SYNE2: variants seen among roughly 807,000 people sequenced by gnomAD.
SYNE2 encodes the protein spectrin repeat containing nuclear envelope protein 2, also known as nesprin-2.
SYNE2 carries 431 observed loss-of-function variants against 856.3 expected under a neutral mutation model. That is an observed-to-expected ratio of 0.50 (90% confidence interval 0.47 to 0.55). The LOEUF (loss-of-function observed/expected upper bound fraction) is 0.55. Among genes scored for constraint, SYNE2 ranks in the 20% least tolerant of loss-of-function variants. The pLI is 0.00. For missense variants in SYNE2, 8,129 were observed against 8,023.2 expected, an observed-to-expected ratio of 1.01 and a Z score of -0.50; for synonymous variants, 2,923 against 2,872.3, an observed-to-expected ratio of 1.02 and a Z score of -0.56.
At chr14:64,119,280 T>G in intron 66 of SYNE2, 147 bp from the exon 67 acceptor site, 1 of 941,996 alleles carries the variant, frequency 1.1e-6, no homozygotes, top group South Asian at 1.7e-5. Flanking sequence ...TCTGTGGAAG[T>G]TTTTGTTTTT....
At chr14:64,136,174 C>T (rs2098086321) in intron 78 of SYNE2, among the ~76,000 whole-genome samples, 1 of 151,676 alleles carries the variant, frequency 6.6e-6, no homozygotes, top group Non-Finnish European at 1.5e-5. Flanking sequence ...CCTATAATCC[C>T]AGCTACTTGG....
Position 63,789,899 on chromosome 14 carries a change from G to A in SYNE2, c.-305+27913G>A, listed in dbSNP as rs187064976. Reference sequence around the variant, plus strand: ...AGGGGAGTTTGAAAATTCAGGAGTGGATCCTGGAGGACTGCCTGAATACAT... The same window carrying A: ...AGGGGAGTTTGAAAATTCAGGAGTGAATCCTGGAGGACTGCCTGAATACAT... On this transcript the variant is annotated intron_variant, in intron 1 of 23. Coordinates refer to the SYNE2 transcript ENST00000674003. 4.9e-3 allele frequency among the ~76,000 whole-genome samples: 752 copies of A among 152,274 alleles called. 2 individuals are homozygous for A. Among genetic ancestry groups the A allele is most frequent in the Middle Eastern group, 0.031 (9 of 294 alleles).
At chr14:64,183,172 G>A (rs1349757758) in intron 96 of SYNE2, among the ~76,000 whole-genome samples, 3 of 148,954 alleles carry the variant, frequency 2.0e-5, no homozygotes, top group Admixed American at 1.3e-4. Flanking sequence ...GGCGACTGCC[G>A]GGCAGAGACG....
intron 45 of SYNE2, among the ~76,000 whole-genome samples, chr14:64,040,919 A>G (rs1027262331): frequency 1.3e-5 from 2 of 152,080 alleles, no homozygotes; most frequent in Non-Finnish European, 2.9e-5. Flanking sequence ...AATGCATTGT[A>G]CTTAAAATAG....
At chr14:63,784,913 G>A (rs1272685254) in intron 1 of SYNE2, among the ~76,000 whole-genome samples, 5 of 151,850 alleles carry the variant, frequency 3.3e-5, no homozygotes, top group African/African-American at 1.2e-4. Flanking sequence ...TTGTTTATGT[G>A]TGTACATCTA....
intron 1 of SYNE2, among the ~76,000 whole-genome samples, chr14:63,818,498 C>T (rs757821739): frequency 7.2e-5 from 11 of 151,930 alleles, no homozygotes; most frequent in African/African-American, 1.2e-4. Flanking sequence ...AGCTGGGCAA[C>T]AGAACGAGAC....
intron 1 of SYNE2, among the ~76,000 whole-genome samples, chr14:63,822,865 A>G (rs1457096039): frequency 6.6e-6 from 1 of 152,204 alleles, no homozygotes; most frequent in Non-Finnish European, 1.5e-5. Context: ...GAACATTGAG[A>G]GGCTGAGGCA....
intron 111 of SYNE2, 189 bp from the exon 112 acceptor site, chr14:64,221,387 G>A (rs2098693261): frequency 2.9e-6 from 3 of 1,035,092 alleles, no homozygotes; most frequent in Non-Finnish European, 4.3e-6. Context: ...ACTGTGCTGA[G>A]TGTCTTCCTT....
At chr14:63,964,770 T>C (rs1371865745) in intron 10 of SYNE2, among the ~76,000 whole-genome samples, 1 of 151,966 alleles carries the variant, frequency 6.6e-6, no homozygotes, top group African/African-American at 2.4e-5. Flanking sequence ...GTGATTCACC[T>C]GCCTCGGCCT....
chr14:64,085,506 A>G (rs767979138), intron 57 of SYNE2, among the ~76,000 whole-genome samples: 55 of 152,210 alleles, frequency 3.6e-4, no homozygotes, highest in Non-Finnish European at 6.6e-4. Flanking sequence ...TGTGTAGACA[A>G]ATGTTTTCAT....
chr14:63,947,090 T>C (rs927384971), intron 6 of SYNE2, among the ~76,000 whole-genome samples: 2 of 152,194 alleles, frequency 1.3e-5, no homozygotes, highest in African/African-American at 4.8e-5. Flanking sequence ...CCTCAGGTGA[T>C]TCACCTGCCT....
At chr14:63,822,757 A>G (rs1235944691) in intron 1 of SYNE2, among the ~76,000 whole-genome samples, 3 of 152,186 alleles carry the variant, frequency 2.0e-5, no homozygotes, top group East Asian at 1.9e-4. Context: ...ATTCCAACAC[A>G]CGCACAGAGC....
chr14:64,166,357 A>T (rs188280675), intron 90 of SYNE2, among the ~76,000 whole-genome samples: 2 of 152,228 alleles, frequency 1.3e-5, no homozygotes, highest in African/African-American at 2.4e-5. Flanking sequence ...AAGTTTGCTT[A>T]TCCTGACCTA....
At chr14:63,843,438 A>G (rs753228718) in intron 1 of SYNE2, among the ~76,000 whole-genome samples, 12 of 152,218 alleles carry the variant, frequency 7.9e-5, no homozygotes, top group Non-Finnish European at 1.5e-4. Flanking sequence ...TCATAATATC[A>G]GTAGATGTAA....
chr14:63,922,567 A>T (rs1311020439), intron 2 of SYNE2, among the ~76,000 whole-genome samples: 1 of 152,182 alleles, frequency 6.6e-6, no homozygotes, highest in Non-Finnish European at 1.5e-5. Flanking sequence ...CTGTGGGAGG[A>T]TAGCTTGAGC....
At chr14:63,978,044 G>A (rs1289154658) in intron 13 of SYNE2, 27 bp downstream of exon 13, 1 of 1,424,258 alleles carries the variant, frequency 7.0e-7, no homozygotes, top group South Asian at 1.1e-5. Flanking sequence ...TTTCACAGCT[G>A]CTGTCACTAT....
intron 66 of SYNE2, among the ~76,000 whole-genome samples, chr14:64,118,146 C>A (rs1436117511): frequency 1.3e-5 from 2 of 152,094 alleles, no homozygotes; most frequent in Admixed American, 6.6e-5. Context: ...TCCTTAAATT[C>A]GCTCAATGAA....
chr14:63,916,444 G>A (rs1266380656), intron 2 of SYNE2, among the ~76,000 whole-genome samples: 2 of 152,090 alleles, frequency 1.3e-5, no homozygotes, highest in Non-Finnish European at 1.5e-5. Flanking sequence ...GGAGTTCCTC[G>A]AAGTATGTTG....
intron 99 of SYNE2, among the ~76,000 whole-genome samples, chr14:64,191,542 A>C (rs1339087971): frequency 6.6e-6 from 1 of 152,160 alleles, no homozygotes; most frequent in Non-Finnish European, 1.5e-5. Flanking sequence ...GCCGTTCAGG[A>C]AGTGATGAGA....
Sources: gnomAD v4.1 joint callset for allele counts (sites outside exome capture counted in the v4.1 genomes callset) on GRCh38, gnomAD v4.1.1 for gene constraint, MANE v1.5 for transcripts, NCBI Gene and HGNC (gene_info 2026-07-23, HGNC 2026-07-21) for gene names.